Variants in PRKCH observed in about 807,000 individuals in gnomAD.
PRKCH encodes protein kinase C eta type.
A neutral mutation model predicts 82.5 loss-of-function variants in PRKCH; 28 were observed. The observed-to-expected ratio is 0.34, with a 90% CI of 0.25 to 0.47. The LOEUF (loss-of-function observed/expected upper bound fraction) is 0.47. Ranked by LOEUF, PRKCH falls within the 20% of genes least tolerant of loss-of-function variation. The pLI, the probability that PRKCH is intolerant of heterozygous loss-of-function variation, is 1.00. For synonymous variants in PRKCH, 322 were observed against 327.4 expected (o/e 0.98, Z 0.18); for missense variants, 705 against 881.8 (o/e 0.80, Z 2.54).
intron 2 of PRKCH, among the ~76,000 whole-genome samples, chr14:61,428,110 C>CATATATATATATATAT (rs1435502380): frequency 2.7e-5 from 2 of 75,444 alleles, no homozygotes; most frequent in African/African-American, 1.1e-4. Flanking sequence ...TATATATACA[C>CATATATATATATATAT]ACATATATAT....
At chr14:61,549,545 A>G (rs1032262216) in intron 13 of PRKCH, 140 bp from the exon 14 acceptor site, 2 of 970,920 alleles carry the variant, frequency 2.1e-6, no homozygotes, top group Non-Finnish European at 1.5e-6. Flanking sequence ...CAGTTTCATC[A>G]TAACAATAAC....
chr14:61,390,172 G>A (rs1009512406), intron 1 of PRKCH, among the ~76,000 whole-genome samples: 4 of 152,232 alleles, frequency 2.6e-5, no homozygotes, highest in African/African-American at 7.2e-5. Flanking sequence ...AGGGGAGTCC[G>A]CCCACCTAAG....
chr14:61,462,614 A>G (rs554226019), intron 9 of PRKCH, among the ~76,000 whole-genome samples: 2 of 152,364 alleles, frequency 1.3e-5, no homozygotes, highest in South Asian at 4.1e-4. Context: ...TAAAGAACAG[A>G]AAGTGTTACT....
intron 1 of PRKCH, among the ~76,000 whole-genome samples, chr14:61,360,390 A>G (rs2046208531): frequency 6.6e-6 from 1 of 152,160 alleles, no homozygotes; most frequent in African/African-American, 2.4e-5. Context: ...CTGTAATCCC[A>G]GCTACTCGGG....
At chr14:61,285,166 T>G (rs933111172) in intron 1 of PRKCH, among the ~76,000 whole-genome samples, 20 of 152,112 alleles carry the variant, frequency 1.3e-4, no homozygotes, top group Admixed American at 6.5e-5. Flanking sequence ...ATTCTAAAAG[T>G]AGGAAAGGGA....
chr14:61,432,634 A>AG (rs1223035019), intron 2 of PRKCH, among the ~76,000 whole-genome samples: 1 of 152,176 alleles, frequency 6.6e-6, no homozygotes, highest in African/African-American at 2.4e-5. Context: ...TGCGCCCAGC[A>AG]GTAACGCTAG....
chr14:61,276,563 C>T (rs2045204242), intron 1 of PRKCH, among the ~76,000 whole-genome samples: 1 of 151,748 alleles, frequency 6.6e-6, no homozygotes, highest in African/African-American at 2.4e-5. Flanking sequence ...ACCATGTTGG[C>T]CAGGCTGGTC....
chr14:61,270,784 C>G (rs906833426), intron 1 of PRKCH, among the ~76,000 whole-genome samples: 2 of 152,040 alleles, frequency 1.3e-5, no homozygotes, highest in Non-Finnish European at 2.9e-5. Flanking sequence ...GCCAGTGAGG[C>G]CCACATAGCA....
chr14:61,461,588 T>C (rs11158346), intron 9 of PRKCH, among the ~76,000 whole-genome samples: 125,942 of 152,212 alleles, frequency 0.83, 55,956 homozygotes, highest in Non-Finnish European at 0.99. Context: ...TTAGTGAGCT[T>C]ACCTGGTCTT....
At chr14:61,350,000 A>G (rs1318549650) in intron 1 of PRKCH, among the ~76,000 whole-genome samples, 3 of 152,242 alleles carry the variant, frequency 2.0e-5, no homozygotes, top group East Asian at 3.8e-4. Context: ...ACTTGGATAT[A>G]TAGGTGAATG....
chr14:61,285,055 T>C (rs191595580), intron 1 of PRKCH, among the ~76,000 whole-genome samples: 44 of 152,336 alleles, frequency 2.9e-4, no homozygotes, highest in African/African-American at 1.0e-3. Flanking sequence ...CCAAAGTATA[T>C]GATAGTGACC....
intron 9 of PRKCH, among the ~76,000 whole-genome samples, chr14:61,478,011 G>A (rs955719082): frequency 6.6e-6 from 1 of 152,222 alleles, no homozygotes. Context: ...TGCCACGTGT[G>A]CCACAGCCAC....
intron 1 of PRKCH, among the ~76,000 whole-genome samples, chr14:61,326,381 G>A (rs1008417393): frequency 7.2e-5 from 11 of 152,288 alleles, no homozygotes; most frequent in African/African-American, 2.4e-4. Context: ...AAATGAAAAG[G>A]AGTCTATAGT....
rs535023407 is a variant in PRKCH, at chr14:61,227,881, G to T, written c.-19+40213G>T. 1.2e-4 allele frequency among the ~76,000 whole-genome samples: 18 copies of T among 152,270 alleles called. 1 individual carries two copies. The South Asian group carries it at 3.3e-3, about 28-fold the overall frequency. On this transcript the variant is annotated intron_variant, in intron 1 of 3. Coordinates refer to the PRKCH transcript ENST00000555185. ...GCAGAGGGTAGAGAAACATTCCTGA[G>T]TAAAATATATTTGAAAACAAAGGCT...
At position 61,280,792 on chromosome 14, in the gene PRKCH, T is replaced by A; in HGVS notation, c.-19+93124T>A. On this transcript the variant is annotated intron_variant, in intron 1 of 3. Coordinates refer to the PRKCH transcript ENST00000555185. The surrounding 1 kb of genome is among the most constrained non-coding windows in gnomAD (Gnocchi z 5.0). The stretch of plus-strand genomic sequence containing the variant: ...GGACACGCCGTAGCGCCGGTTGTTC[T>A]GGTAGAAGTTGGTCAGCTCGTAGTA... 6.4e-7 allele frequency: 1 copy of A among 1,556,908 alleles called. No individual in the cohort carries two copies. The highest frequency in any genetic ancestry group is 8.6e-7 in the Non-Finnish European group (1 of 1,160,322).
chr14:61,508,690 C>G (rs1345895471), intron 10 of PRKCH, among the ~76,000 whole-genome samples: 1 of 152,082 alleles, frequency 6.6e-6, no homozygotes, highest in Non-Finnish European at 1.5e-5. Flanking sequence ...ATTGGGGGAT[C>G]TGGTCTCAGA....
rs141324116 is a variant in PRKCH, at chr14:61,367,360, A to G, written c.364-23865A>G. Among the ~76,000 whole-genome samples, 1,343 of 144,946 alleles carry G rather than the reference A, an allele frequency of 9.3e-3. 40 individuals carry two copies. Among genetic ancestry groups the G allele is most frequent in the African/African-American group, 0.032 (1,190 of 37,348 alleles). ...TCAGGTATTGCGTGTGTGTGTGTGT[A>G]TGTGTGTGTGTGTGTGTGTGTGTGT... On this transcript the variant is annotated intron_variant, in intron 1 of 13. Coordinates refer to ENST00000332981, the MANE Select transcript of PRKCH (RefSeq NM_006255.5).
chr14:61,189,164 GC>G (rs1213092178), intron 1 of PRKCH, among the ~76,000 whole-genome samples: 4 of 152,230 alleles, frequency 2.6e-5, no homozygotes, highest in Non-Finnish European at 5.9e-5. Context: ...CCCCCGCGAG[GC>G]CCGGGCAGCG....
At chr14:61,353,759 C>T (rs1296213226) in intron 1 of PRKCH, 1 of 152,102 alleles carries the variant, frequency 6.6e-6, no homozygotes, top group Middle Eastern at 3.4e-3. Flanking sequence ...AGCAAGACCC[C>T]ATCGCTACAA....
Sources: gnomAD v4.1 joint callset for allele counts (sites outside exome capture counted in the v4.1 genomes callset) on GRCh38, gnomAD v4.1.1 for gene constraint, Gnocchi (gnomAD v3.1) non-coding constraint, MANE v1.5 for transcripts, NCBI Gene and HGNC (gene_info 2026-07-23, HGNC 2026-07-21) for gene names.